LRP1B: variants seen among roughly 807,000 people sequenced by gnomAD.
LRP1B encodes the protein LDL receptor related protein 1B, also known as low-density lipoprotein receptor-related protein 1B.
A neutral mutation model predicts 556.6 loss-of-function variants in LRP1B; 217 were observed. The ratio of observed to expected loss-of-function variants is 0.39; its 90% confidence interval spans 0.35 to 0.44. The LOEUF (loss-of-function observed/expected upper bound fraction) is 0.44, where lower values mean the gene tolerates loss of function less well. LRP1B is among the 20% of genes least tolerant of loss of function. The pLI, the probability that LRP1B is intolerant of heterozygous loss-of-function variation, is 1.00. For missense variants in LRP1B, 5,053 were observed against 5,620.8 expected, an observed-to-expected ratio of 0.90 and a Z score of 3.23; for synonymous variants, 2,047 against 1,865.8, an observed-to-expected ratio of 1.10 and a Z score of -2.50.
chr2:141,931,801 C>T (rs890362666), intron 1 of LRP1B, among the ~76,000 whole-genome samples: 1 of 151,796 alleles, frequency 6.6e-6, no homozygotes, highest in South Asian at 2.1e-4. Context: ...TTTCAAAATG[C>T]GTGGGATTTT....
intron 7 of LRP1B, among the ~76,000 whole-genome samples, chr2:141,067,952 A>C (rs1165905760): frequency 6.6e-6 from 1 of 151,926 alleles, no homozygotes; most frequent in Non-Finnish European, 1.5e-5. Flanking sequence ...TGAGTGAGGG[A>C]TTCTCCAGGC....
intron 84 of LRP1B, among the ~76,000 whole-genome samples, chr2:140,283,175 G>C (rs1682987339): frequency 6.6e-6 from 1 of 151,570 alleles, no homozygotes; most frequent in Non-Finnish European, 1.5e-5. Flanking sequence ...AATTTGTATA[G>C]AATTTTATGT....
chr2:141,101,218 G>C (rs1700452194), intron 7 of LRP1B, among the ~76,000 whole-genome samples: 1 of 152,118 alleles, frequency 6.6e-6, no homozygotes, highest in African/African-American at 2.4e-5. Context: ...GACAGAGCAG[G>C]ACCAGGGAAG....
At chr2:140,481,442 C>T (rs1282350489) in intron 59 of LRP1B, among the ~76,000 whole-genome samples, 1 of 151,912 alleles carries the variant, frequency 6.6e-6, no homozygotes, top group East Asian at 1.9e-4. Flanking sequence ...GTTAAATGTG[C>T]CTATCTAAAC....
At chr2:141,131,219 T>C (rs74384574) in intron 7 of LRP1B, among the ~76,000 whole-genome samples, 3,795 of 151,966 alleles carry the variant, frequency 0.025, 169 homozygotes, top group African/African-American at 0.088. Flanking sequence ...CATAACTCCA[T>C]TGTAAGTCAA....
intron 2 of LRP1B, among the ~76,000 whole-genome samples, chr2:141,752,720 C>G (rs1170668312): frequency 1.3e-5 from 2 of 150,792 alleles, no homozygotes; most frequent in Admixed American, 6.6e-5. Flanking sequence ...GGTGGGTCAG[C>G]CATCAGTATT....
intron 11 of LRP1B, among the ~76,000 whole-genome samples, chr2:141,023,054 GATTAAT>G (rs1698111019): frequency 1.3e-5 from 2 of 151,800 alleles, no homozygotes; most frequent in East Asian, 1.9e-4. Context: ...ACTTTGTTTA[GATTAAT>G]ATTATGTCTG....
intron 6 of LRP1B, among the ~76,000 whole-genome samples, chr2:141,194,415 G>C (rs1001498285): frequency 2.0e-5 from 3 of 152,034 alleles, no homozygotes; most frequent in Non-Finnish European, 1.5e-5. Context: ...GGCAAATCTA[G>C]ATGATGGCCA....
rs1202593868 is a variant in LRP1B, at chr2:141,096,631, A to AGG, written c.1014-34359_1014-34358insCC. The stretch of plus-strand genomic sequence containing the variant: ...GAATGACAAAGACGGGGAGAGGGGG[A>AGG]GAGAGAGAGAGAGAGAGAGAGAGAG... On this transcript the variant is annotated intron_variant, in intron 7 of 90. Coordinates refer to ENST00000389484, the MANE Select transcript of LRP1B (RefSeq NM_018557.3). Among the ~76,000 whole-genome samples, 17 of 25,256 alleles carry AGG rather than the reference A, an allele frequency of 6.7e-4. 1 individual carries two copies. Among genetic ancestry groups the AGG allele is most frequent in the African/African-American group, 2.2e-3 (16 of 7,158 alleles). 16.6% of individuals were successfully genotyped at this position (25,256 alleles called of 152,430 possible).
chr2:140,238,436 AAGT>A (rs1680806411), intron 88 of LRP1B, 140 bp from the exon 89 acceptor site: 1 of 488,982 alleles, frequency 2.0e-6, no homozygotes, highest in African/African-American at 2.0e-5. Context: ...GAGGAACAAA[AAGT>A]AGTACATTGA....
chr2:140,612,541 C>G (rs1376525898), intron 41 of LRP1B, among the ~76,000 whole-genome samples: 1 of 152,094 alleles, frequency 6.6e-6, no homozygotes, highest in Non-Finnish European at 1.5e-5. Context: ...ACAAGTCACA[C>G]GTCACCGATA....
chr2:140,305,274 C>A lies in LRP1B; in HGVS notation c.12806-7305G>T, dbSNP rs997411086. Among the ~76,000 whole-genome samples, 8 of 152,162 alleles carry A rather than the reference C, an allele frequency of 5.3e-5. No homozygotes were observed. The South Asian group carries it at 1.4e-3, about 28-fold the overall frequency. Reference sequence around the variant, plus strand: ...TATGGCCATTTTCACGATACTGATTCTTCCTATCCATGAGCATGGAAATTT... The same window carrying A: ...TATGGCCATTTTCACGATACTGATTATTCCTATCCATGAGCATGGAAATTT... On this transcript the variant is annotated intron_variant, in intron 83 of 90. Coordinates refer to ENST00000389484, the MANE Select transcript of LRP1B (RefSeq NM_018557.3).
intron 89 of LRP1B, among the ~76,000 whole-genome samples, chr2:140,235,490 A>G (rs1680654267): frequency 6.6e-6 from 1 of 151,188 alleles, no homozygotes; most frequent in South Asian, 2.1e-4. Flanking sequence ...GTTTCTCACT[A>G]CTGTCTAAAC....
intron 1 of LRP1B, among the ~76,000 whole-genome samples, chr2:142,106,377 A>T (rs1287409705): frequency 2.0e-5 from 3 of 152,142 alleles, no homozygotes; most frequent in East Asian, 1.9e-4. Context: ...TCATTATCTT[A>T]TTCAATTTTG....
intron 2 of LRP1B, among the ~76,000 whole-genome samples, chr2:141,587,694 T>G (rs1687193057): frequency 6.6e-6 from 1 of 152,176 alleles, no homozygotes; most frequent in Non-Finnish European, 1.5e-5. Context: ...TATTGGAATT[T>G]AAAAACATAA....
intron 2 of LRP1B, among the ~76,000 whole-genome samples, chr2:141,789,856 C>T (rs1232315938): frequency 6.6e-6 from 1 of 152,088 alleles, no homozygotes; most frequent in Middle Eastern, 3.4e-3. Context: ...AAATAAGTGT[C>T]TTCTACTTAG....
intron 7 of LRP1B, among the ~76,000 whole-genome samples, chr2:141,125,355 A>T (rs1393845741): frequency 6.6e-6 from 1 of 152,216 alleles, no homozygotes; most frequent in Non-Finnish European, 1.5e-5. Flanking sequence ...TGGATAGAAG[A>T]TAGAATGCAG....
At chr2:141,835,515 G>A (rs983592590) in intron 1 of LRP1B, among the ~76,000 whole-genome samples, 2 of 151,432 alleles carry the variant, frequency 1.3e-5, no homozygotes, top group Non-Finnish European at 2.9e-5. Flanking sequence ...GAGGGAAGGT[G>A]GCATTTAATA....
intron 14 of LRP1B, among the ~76,000 whole-genome samples, chr2:141,010,956 GT>G (rs1697726620): frequency 1.5e-5 from 1 of 65,602 alleles, no homozygotes; most frequent in African/African-American, 5.4e-5. Flanking sequence ...CAGATGGTGT[GT>G]GTGTGTGTGT....
Sources: allele counts gnomAD v4.1 joint callset (sites outside exome capture counted in the v4.1 genomes callset), GRCh38; gene constraint gnomAD v4.1.1; transcripts MANE v1.5; gene names NCBI Gene and HGNC (gene_info 2026-07-23, HGNC 2026-07-21).